DUSP22: variants seen among roughly 807,000 people sequenced by gnomAD.
DUSP22 encodes dual specificity protein phosphatase 22.
A neutral mutation model predicts 24.5 loss-of-function variants in DUSP22; 24 were observed. The observed-to-expected ratio is 0.98, with a 90% CI of 0.71 to 1.38. The LOEUF (loss-of-function observed/expected upper bound fraction) is 1.38, where lower values mean the gene tolerates loss of function less well. Among genes scored for constraint, DUSP22 ranks in the 40% most tolerant of loss-of-function variants. DUSP22 has a pLI of 0.00. For synonymous variants in DUSP22, 160 were observed against 106.4 expected (o/e 1.50, Z -3.10); for missense variants, 330 against 269.2 (o/e 1.23, Z -1.58).
chr6:327,672 T>C (rs527896400), intron 3 of DUSP22, among the ~76,000 whole-genome samples: 11 of 152,402 alleles, frequency 7.2e-5, no homozygotes, highest in African/African-American at 2.6e-4. Context: ...AGCGTGGGGC[T>C]GAAGTCTGCT....
chr6:351,058 C>T lies in DUSP22; in HGVS notation c.*2107C>T, dbSNP rs1316387938. 1 of 910,450 alleles carries T rather than the reference C, an allele frequency of 1.1e-6. No individual in the cohort carries two copies. 56.4% of individuals were successfully genotyped at this position (910,450 alleles called of 1,614,324 possible). On this transcript the variant is annotated 3_prime_UTR_variant, in exon 7 of 7. Coordinates refer to ENST00000419235, the MANE Select transcript of DUSP22 (RefSeq NM_001286555.3). ...TTCTTTAGCAAGAGAAAATATTTTC[C>T]CCTTATCCCCACTGCTGTGGAGGTT...
chr6:307,754 G>A (rs1757876099), intron 2 of DUSP22, among the ~76,000 whole-genome samples: 1 of 152,424 alleles, frequency 6.6e-6, no homozygotes, highest in South Asian at 2.1e-4. Context: ...ACGCTCTTAG[G>A]TACTGTGTGT....
intron 4 of DUSP22, among the ~76,000 whole-genome samples, chr6:337,644 A>G (rs1759417065): frequency 6.6e-6 from 1 of 152,290 alleles, no homozygotes; most frequent in East Asian, 1.9e-4. Context: ...ATACGTATAG[A>G]TTTAGGGGTT....
intron 3 of DUSP22, among the ~76,000 whole-genome samples, chr6:314,154 G>T (rs1022669521): frequency 2.6e-5 from 4 of 152,424 alleles, no homozygotes; most frequent in Admixed American, 6.5e-5. Flanking sequence ...ACTGTGCGAG[G>T]TCAAGCAAAT....
chr6:346,091 C>T (rs755923205), intron 5 of DUSP22, among the ~76,000 whole-genome samples, 163 bp downstream of exon 5: 55 of 152,402 alleles, frequency 3.6e-4, no homozygotes, highest in South Asian at 6.2e-4. Flanking sequence ...GTGTGTTAGT[C>T]GCCCTTTCCT....
intron 3 of DUSP22, among the ~76,000 whole-genome samples, chr6:327,799 G>T (rs1232914210): frequency 6.6e-6 from 1 of 152,306 alleles, no homozygotes; most frequent in East Asian, 1.9e-4. Context: ...AAAACCACAG[G>T]GACTTGGCAG....
chr6:305,412 C>A (rs575669455), intron 2 of DUSP22, among the ~76,000 whole-genome samples: 2 of 152,422 alleles, frequency 1.3e-5, no homozygotes, highest in East Asian at 1.9e-4. Context: ...TATTTATAAC[C>A]TTTTACAACT....
At chr6:333,498 A>G (rs1759227389) in intron 3 of DUSP22, among the ~76,000 whole-genome samples, 1 of 152,302 alleles carries the variant, frequency 6.6e-6, no homozygotes, top group Non-Finnish European at 1.5e-5. Flanking sequence ...TGTTTTTCTG[A>G]CCCCTCATCA....
At chr6:336,656 C>T (rs1759373458) in intron 4 of DUSP22, among the ~76,000 whole-genome samples, 1 of 152,304 alleles carries the variant, frequency 6.6e-6, no homozygotes, top group South Asian at 2.1e-4. Context: ...TGTGTGCTCC[C>T]CAGGGGCTGT....
intron 1 of DUSP22, among the ~76,000 whole-genome samples, chr6:300,567 G>A (rs866653943): frequency 3.3e-5 from 5 of 152,310 alleles, no homozygotes; most frequent in Non-Finnish European, 7.3e-5. Flanking sequence ...GAGCTGCTGC[G>A]TGGAAGTAAA....
intron 1 of DUSP22, among the ~76,000 whole-genome samples, chr6:303,224 C>T (rs1288506604): frequency 2.0e-5 from 3 of 152,294 alleles, no homozygotes; most frequent in Non-Finnish European, 2.9e-5. Flanking sequence ...ACATCCAGGA[C>T]GAACTTGCAT....
At chr6:327,027 G>A in intron 3 of DUSP22, among the ~76,000 whole-genome samples, 1 of 152,276 alleles carries the variant, frequency 6.6e-6, no homozygotes, top group Non-Finnish European at 1.5e-5. Flanking sequence ...TGCAGCTACT[G>A]TAGCCTCCAC....
At chr6:330,492 C>A (rs546866186) in intron 3 of DUSP22, among the ~76,000 whole-genome samples, 1 of 152,308 alleles carries the variant, frequency 6.6e-6, no homozygotes. Flanking sequence ...TTGAAACAAG[C>A]GAGAGTTTGA....
At chr6:314,953 G>T (rs1326440736) in intron 3 of DUSP22, among the ~76,000 whole-genome samples, 2 of 152,310 alleles carry the variant, frequency 1.3e-5, no homozygotes, top group Non-Finnish European at 2.9e-5. Flanking sequence ...CTTCCTAGCA[G>T]CCTGGCTGGA....
chr6:345,802 C>A, intron 4 of DUSP22, 52 bp from the exon 5 acceptor site: 1 of 1,597,064 alleles, frequency 6.3e-7, no homozygotes, highest in South Asian at 1.1e-5. Context: ...TTCTTTTCAT[C>A]ATATATTGAG....
At chr6:333,546 G>A (rs1388628227) in intron 3 of DUSP22, among the ~76,000 whole-genome samples, 1 of 152,306 alleles carries the variant, frequency 6.6e-6, no homozygotes, top group Admixed American at 6.5e-5. Context: ...TCACTTAGGT[G>A]TTAGTTGCAG....
chr6:318,812 G>C (rs1282473172), intron 3 of DUSP22, among the ~76,000 whole-genome samples: 6 of 152,282 alleles, frequency 3.9e-5, no homozygotes, highest in Non-Finnish European at 8.8e-5. Flanking sequence ...CACATATTCA[G>C]CAGAAGGGGA....
intron 4 of DUSP22, among the ~76,000 whole-genome samples, chr6:343,414 G>A (rs1375025940): frequency 1.3e-5 from 2 of 152,290 alleles, no homozygotes; most frequent in Non-Finnish European, 2.9e-5. Flanking sequence ...GCAGCTGGAC[G>A]GCACCCTCCT....
chr6:349,248 T>C lies in DUSP22; in HGVS notation c.*297T>C. On this transcript the variant is annotated 3_prime_UTR_variant, in exon 7 of 7. Transcript: ENST00000419235. ...ACTTGTGTGTGGGTGACTAAGTGGA[T>C]GCATGTGTGTGCCTGTGTGAGTGAG... The C allele has an allele frequency of 7.4e-7, 1 of 1,349,044 alleles. No individual in the cohort carries two copies. Among genetic ancestry groups the C allele is most frequent in the Non-Finnish European group, 9.6e-7 (1 of 1,047,072 alleles). The allele number at this position is 1,349,044 out of a possible 1,614,324, so 83.6% of individuals were successfully genotyped here.
Sources: allele counts gnomAD v4.1 joint callset (sites outside exome capture counted in the v4.1 genomes callset), GRCh38; gene constraint gnomAD v4.1.1; transcripts MANE v1.5; gene names NCBI Gene and HGNC (gene_info 2026-07-23, HGNC 2026-07-21).